Variants in EIF2AK4 observed in about 807,000 individuals in gnomAD.
EIF2AK4 encodes eIF-2-alpha kinase GCN2.
EIF2AK4 carries 139 observed loss-of-function variants against 211.1 expected under a neutral mutation model. That is an observed-to-expected ratio of 0.66 (90% CI 0.57 to 0.76). The LOEUF (loss-of-function observed/expected upper bound fraction) is 0.76. EIF2AK4 is among the 30% of genes least tolerant of loss of function. The pLI, the probability that EIF2AK4 is intolerant of heterozygous loss-of-function variation, is 0.00. For missense variants in EIF2AK4, 1,664 were observed against 2,043.8 expected (o/e 0.81, Z 3.58); for synonymous variants, 710 against 751.3 (o/e 0.94, Z 0.90).
intron 11 of EIF2AK4, chr15:39,974,708 A>C (rs2034670438): frequency 6.6e-6 from 1 of 152,186 alleles, no homozygotes; most frequent in Non-Finnish European, 1.5e-5. Flanking sequence ...AACAAATTTC[A>C]TCTCTTTACA....
intron 9 of EIF2AK4, among the ~76,000 whole-genome samples, chr15:39,971,584 G>C (rs1202337289): frequency 1.3e-5 from 2 of 152,098 alleles, no homozygotes; most frequent in East Asian, 3.9e-4. Context: ...CAGCATGGTG[G>C]TACACGCCTG....
chr15:40,020,157 G>A (rs1170313971), intron 30 of EIF2AK4, among the ~76,000 whole-genome samples: 9 of 123,152 alleles, frequency 7.3e-5, no homozygotes, highest in African/African-American at 2.9e-4. Context: ...AACAGAGCCA[G>A]ACCCTGTCAA....
At chr15:40,019,235 G>T in intron 30 of EIF2AK4, 35 bp downstream of exon 30, 1 of 1,462,290 alleles carries the variant, frequency 6.8e-7, no homozygotes, top group South Asian at 1.3e-5. Context: ...CATACTTCGA[G>T]GTGTCTTTCA....
chr15:40,029,218 T>C lies in EIF2AK4; in HGVS notation c.4503-188T>C, dbSNP rs571277950. The C allele has an allele frequency of 6.9e-6, 5 of 721,380 alleles. No individual in the cohort carries two copies. The Admixed American group carries it at 2.5e-4, about 36-fold the overall frequency. The allele number at this position is 721,380 out of a possible 1,614,324, so 44.7% of individuals were successfully genotyped here. ...AACTTAAAAAGACATCCTTTATAAT[T>C]TTTACTTGCTCTTGACCAAAGCATA... On this transcript the variant is annotated intron_variant, in intron 33 of 38. Transcript: ENST00000263791.
chr15:39,965,587 C>T (rs2034532608), intron 7 of EIF2AK4, 99 bp from the exon 8 acceptor site: 1 of 1,318,230 alleles, frequency 7.6e-7, no homozygotes, highest in Admixed American at 2.2e-5. Flanking sequence ...CGCATGGTAT[C>T]CATTGTTGAA....
At chr15:40,017,501 CTATATATATATATATA>C (rs202237104) in intron 29 of EIF2AK4, among the ~76,000 whole-genome samples, 277 of 26,098 alleles carry the variant, frequency 0.011, 14 homozygotes, top group South Asian at 0.014. Context: ...TACTCTGTTT[CTATATATATATATATA>C]TATATATATA....
In EIF2AK4 at chr15:39,976,857, C is replaced by T; in HGVS notation, c.2249+13C>T. 1.4e-6 allele frequency: 2 copies of T among 1,462,396 alleles called. No homozygotes were observed. Among genetic ancestry groups the T allele is most frequent in the South Asian group, 1.4e-5 (1 of 69,634 alleles). The allele number at this position is 1,462,396 out of a possible 1,614,324, so 90.6% of individuals were successfully genotyped here. ...CCCAGTCCTTCCTGTAAGCGCACGG[C>T]GCGGACCAGCTGCCTCTGATGCGCC... is the stretch of plus-strand genomic sequence containing the variant. On this transcript the variant is annotated intron_variant, in intron 12 of 38. Transcript: ENST00000263791.
chr15:40,004,258 T>C (rs1482074393), intron 23 of EIF2AK4, among the ~76,000 whole-genome samples: 2 of 152,226 alleles, frequency 1.3e-5, no homozygotes, highest in Non-Finnish European at 2.9e-5. Flanking sequence ...CAATCCCACT[T>C]TGAGCAATTT....
intron 3 of EIF2AK4, among the ~76,000 whole-genome samples, chr15:39,944,266 G>C (rs2034189771): frequency 6.6e-6 from 1 of 152,068 alleles, no homozygotes; most frequent in Non-Finnish European, 1.5e-5. Context: ...TCTCTCCTGG[G>C]TGGCACAACT....
chr15:39,936,317 GA>G (rs2140894116), intron 1 of EIF2AK4, among the ~76,000 whole-genome samples: 1 of 152,324 alleles, frequency 6.6e-6, no homozygotes, highest in South Asian at 2.1e-4. Context: ...GCAAATAATT[GA>G]TGGTCTCAAG....
intron 32 of EIF2AK4, among the ~76,000 whole-genome samples, chr15:40,024,080 T>A (rs1010148514): frequency 6.6e-6 from 1 of 152,224 alleles, no homozygotes; most frequent in African/African-American, 2.4e-5. Context: ...TTATACATGT[T>A]TAGGATTTTA....
chr15:40,012,694 T>C (rs1040778561), intron 27 of EIF2AK4, among the ~76,000 whole-genome samples: 1 of 152,144 alleles, frequency 6.6e-6, no homozygotes, highest in African/African-American at 2.4e-5. Flanking sequence ...CTTATAAATA[T>C]ACATTCGGAC....
In EIF2AK4 at chr15:39,965,667, C is replaced by T. The variant is rs547448076; in HGVS notation, c.860-19C>T. On this transcript the variant is annotated intron_variant, in intron 7 of 38. Coordinates refer to ENST00000263791, the MANE Select transcript of EIF2AK4 (RefSeq NM_001013703.4). Reference sequence around the variant, plus strand: ...AACATACCAGTGGGATTTAATTACACTTTCTGTTTAATGTGCAGGCAGTGA... The same window carrying T: ...AACATACCAGTGGGATTTAATTACATTTTCTGTTTAATGTGCAGGCAGTGA... The T allele has an allele frequency of 6.2e-7, 1 of 1,612,294 alleles. No homozygotes were observed. Among genetic ancestry groups the T allele is most frequent in the South Asian group, 1.1e-5 (1 of 90,776 alleles).
chr15:39,934,138 C>A lies in EIF2AK4; in HGVS notation c.-58C>A. The A allele has an allele frequency of 8.1e-7, 1 of 1,235,984 alleles. No individual in the cohort carries two copies. The allele number at this position is 1,235,984 out of a possible 1,614,324, so 76.6% of individuals were successfully genotyped here. ...CCAGCGCGGAGCCCCGCCCCGCAGG[C>A]TGCCGGGGGCCCACCGCCGCCCAGG... On this transcript the variant is annotated 5_prime_UTR_variant, in exon 1 of 39. The change creates a new upstream start codon in the 5' untranslated region. Transcript: ENST00000263791.
rs192654125 is a variant in EIF2AK4 at position 39,983,592 on chromosome 15, G to A, written c.2320-2213G>A. On this transcript the variant is annotated intron_variant, in intron 13 of 38. Coordinates refer to ENST00000263791, the MANE Select transcript of EIF2AK4 (RefSeq NM_001013703.4). ...CAAGTAGCTGGGATCACAGGCATGC[G>A]CCACCATGCCCAGCTAATTTTGTAT... Among the ~76,000 whole-genome samples the A allele has an allele frequency of 1.8e-3, 268 of 152,232 alleles. 1 individual carries two copies. The highest frequency in any genetic ancestry group is 6.3e-3 in the African/African-American group (260 of 41,536).
In EIF2AK4 at chr15:39,978,156, A is replaced by T. The variant is rs200759892; in HGVS notation, c.2319+9A>T. 1.4e-6 allele frequency: 2 copies of T among 1,452,290 alleles called. No homozygotes were observed. Among genetic ancestry groups the T allele is most frequent in the Admixed American group, 3.6e-5 (2 of 54,964 alleles). 90.0% of individuals were successfully genotyped at this position (1,452,290 alleles called of 1,614,324 possible). On this transcript the variant is annotated intron_variant, in intron 13 of 38. Coordinates refer to ENST00000263791, the MANE Select transcript of EIF2AK4 (RefSeq NM_001013703.4). ...GTAAAAGTCAGAATCAGGTATATATATGAATAGAAATTATATCATTTTATT... is the reference window on the plus strand; with the variant it reads ...GTAAAAGTCAGAATCAGGTATATATTTGAATAGAAATTATATCATTTTATT...
intron 13 of EIF2AK4, among the ~76,000 whole-genome samples, chr15:39,979,440 AAG>A (rs1435986142): frequency 6.6e-6 from 1 of 152,216 alleles, no homozygotes; most frequent in Non-Finnish European, 1.5e-5. Context: ...CAGATTAAGA[AAG>A]AGTAAGTTTA....
chr15:39,961,165 C>A (rs911534467), intron 6 of EIF2AK4, among the ~76,000 whole-genome samples: 6 of 152,062 alleles, frequency 3.9e-5, no homozygotes, highest in African/African-American at 1.4e-4. Context: ...TTGGAGAAGT[C>A]ATGGAAGGGA....
chr15:40,002,480 G>A (rs915861814), intron 21 of EIF2AK4: 10 of 456,494 alleles, frequency 2.2e-5, no homozygotes, highest in Middle Eastern at 5.9e-4. Flanking sequence ...TTTGGACTTT[G>A]AACCCAGGCA....
Sources: allele counts gnomAD v4.1 joint callset (sites outside exome capture counted in the v4.1 genomes callset), GRCh38; gene constraint gnomAD v4.1.1; transcripts MANE v1.5; gene names NCBI Gene and HGNC (gene_info 2026-07-23, HGNC 2026-07-21).